The following BAMBI variants were observed in gnomAD, a reference collection of about 807,000 sequenced individuals.
BAMBI encodes BMP and activin membrane-bound inhibitor homolog.
Under a neutral mutation model 24.1 loss-of-function variants are expected in BAMBI, and 21 were observed. That is an observed-to-expected ratio of 0.87 (90% CI 0.62 to 1.26). The LOEUF (loss-of-function observed/expected upper bound fraction) is 1.26. Ranked by LOEUF, BAMBI falls within the 50% of genes most tolerant of loss-of-function variation. BAMBI has a pLI of 0.00. For missense variants in BAMBI, 388 were observed against 329.1 expected (o/e 1.18, Z -1.38); for synonymous variants, 156 against 123.1 (o/e 1.27, Z -1.77).
Position 28,677,575 on chromosome 10 carries a change from ACT to A in BAMBI, c.-318_-317del, listed in dbSNP as rs915839762. 7.7e-5 allele frequency: 14 copies of A among 182,014 alleles called. No homozygotes were observed. In the Middle Eastern group the frequency reaches 6.4e-3, roughly 83 times the overall value. 11.3% of individuals were successfully genotyped at this position (182,014 alleles called of 1,614,324 possible). A position where few individuals can be genotyped will look rare whatever the true frequency, so the allele number is the denominator to read the frequency against. On this transcript the variant is annotated 5_prime_UTR_variant, in exon 1 of 3. Coordinates refer to ENST00000375533, the MANE Select transcript of BAMBI (RefSeq NM_012342.3). The stretch of plus-strand genomic sequence containing the variant: ...TACCCTTGCGTGCTGTGGAGACCCT[ACT>A]CTCTTCGCTGAGAACGGCCGCTAGC...
Position 28,682,414 on chromosome 10 carries a change from T to G in BAMBI, c.*13T>G. 6.2e-7 allele frequency: 1 copy of G among 1,600,904 alleles called. No individual in the cohort carries two copies. The highest frequency in any genetic ancestry group is 8.5e-7 in the Non-Finnish European group (1 of 1,170,224). On this transcript the variant is annotated 3_prime_UTR_variant, in exon 3 of 3. Coordinates refer to ENST00000375533, the MANE Select transcript of BAMBI (RefSeq NM_012342.3). ...GGAATTCGTATGACGGAGTCTTATC[T>G]GAACTACACTTACTGAACAGCTTGA...
At chr10:28,679,147 G>A (rs536618767) in intron 1 of BAMBI, among the ~76,000 whole-genome samples, 1 of 152,318 alleles carries the variant, frequency 6.6e-6, no homozygotes, top group East Asian at 1.9e-4. Context: ...GGCTTGCAGA[G>A]GGGAGCCTCC....
intron 1 of BAMBI, among the ~76,000 whole-genome samples, chr10:28,680,507 TGAG>T (rs61519238): frequency 9.9e-5 from 15 of 151,950 alleles, no homozygotes; most frequent in Non-Finnish European, 1.5e-4. Context: ...GTAAAACTTG[TGAG>T]GAGGAGGAGG....
chr10:28,678,025 T>C (rs1834455853), intron 1 of BAMBI, 52 bp downstream of exon 1: 1 of 1,468,394 alleles, frequency 6.8e-7, no homozygotes, highest in Non-Finnish European at 9.1e-7. Flanking sequence ...CCGCGGGGCT[T>C]TGGAGCCGGC....
intron 1 of BAMBI, among the ~76,000 whole-genome samples, chr10:28,678,279 G>T (rs982717671): frequency 2.0e-5 from 3 of 152,230 alleles, no homozygotes; most frequent in Admixed American, 6.5e-5. Context: ...CACCCTGGGG[G>T]CTCGGGCGGC....
chr10:28,681,255 CA>C lies in BAMBI; in HGVS notation c.77-2del. The C allele has an allele frequency of 1.2e-6, 2 of 1,608,032 alleles. No individual in the cohort carries two copies. The highest frequency in any genetic ancestry group is 2.7e-5 in the African/African-American group (2 of 74,928). The stretch of plus-strand genomic sequence containing the variant: ...GTTTGAGGTGGTTTCTCATTGTTTT[CA>C]GGTGAAATTCGATGCTACTGTGATG... On this transcript the variant is annotated splice_acceptor_variant, in intron 1 of 2. Coordinates refer to ENST00000375533, the MANE Select transcript of BAMBI (RefSeq NM_012342.3). LOFTEE classifies it high-confidence loss of function.
At chr10:28,679,489 T>C (rs1834474118) in intron 1 of BAMBI, among the ~76,000 whole-genome samples, 1 of 151,916 alleles carries the variant, frequency 6.6e-6, no homozygotes, top group Admixed American at 6.6e-5. Context: ...TTTAATACAG[T>C]GGTACAAAAG....
chr10:28,678,473 C>G (rs185706663), intron 1 of BAMBI, among the ~76,000 whole-genome samples: 1 of 152,192 alleles, frequency 6.6e-6, no homozygotes, highest in Non-Finnish European at 1.5e-5. Context: ...CTCAGCGTAT[C>G]TCTGTGTCTC....
rs1564439816 is a variant in BAMBI, at chr10:28,682,422, ACTTACTGAAC to A, written c.*22_*31del. 6.3e-7 allele frequency: 1 copy of A among 1,589,370 alleles called. No individual in the cohort carries two copies. The highest frequency in any genetic ancestry group is 1.7e-5 in the Admixed American group (1 of 58,304). ...TATGACGGAGTCTTATCTGAACTAC[ACTTACTGAAC>A]AGCTTGAAGGCCTTTTGAGTTCTGC... is the stretch of plus-strand genomic sequence containing the variant. On this transcript the variant is annotated 3_prime_UTR_variant, in exon 3 of 3. Transcript: ENST00000375533.
At position 28,682,201 on chromosome 10, in the gene BAMBI, C is replaced by A. The variant is rs1834506524; in HGVS notation, c.583C>A (p.His195Asn). 1 of 1,614,156 alleles carries A rather than the reference C, an allele frequency of 6.2e-7. No homozygotes were observed. The highest frequency in any genetic ancestry group is 2.2e-5 in the East Asian group (1 of 44,868). The change falls in exon 3 of 3, where the codon CAC becomes AAC. Residue 195 changes from histidine to asparagine, a missense_variant. His to Asn is a moderately conservative substitution (Grantham distance 68). Coordinates refer to ENST00000375533, the MANE Select transcript of BAMBI (RefSeq NM_012342.3). Reference sequence around the variant, plus strand: ...GCGGCAACAGATGCTCTCCCGTTTGCACTACAGCTTTCACGGACACCATTC... The same window carrying A: ...GCGGCAACAGATGCTCTCCCGTTTGAACTACAGCTTTCACGGACACCATTC... ...DQRQQMLSRL[H>N]YSFHGHHSKK...
In BAMBI at chr10:28,677,838, G is replaced by A; in HGVS notation, c.-60G>A. ...GCCCTGCGCGCTCCGGGGGTCGTAG[G>A]CTGCCGCCGAGCCGGGGCTCCGGAA... On this transcript the variant is annotated 5_prime_UTR_variant, in exon 1 of 3. Transcript: ENST00000375533. The A allele has an allele frequency of 7.1e-7, 1 of 1,408,666 alleles. No individual in the cohort carries two copies. Among genetic ancestry groups the A allele is most frequent in the Non-Finnish European group, 9.4e-7 (1 of 1,066,636 alleles). The allele number at this position is 1,408,666 out of a possible 1,614,324, so 87.3% of individuals were successfully genotyped here. A position where few individuals can be genotyped will look rare whatever the true frequency, so the allele number is the denominator to read the frequency against.
Position 28,677,826 on chromosome 10 carries a change from C to CGG in BAMBI, c.-68_-67dup. On this transcript the variant is annotated 5_prime_UTR_variant, in exon 1 of 3. The change abolishes the stop of an existing upstream ORF in the 5' untranslated region. Transcript: ENST00000375533. ...GGCAGGGCCCATGCCCTGCGCGCTC[C>CGG]GGGGGTCGTAGGCTGCCGCCGAGCC... The CGG allele has an allele frequency of 7.7e-7, 1 of 1,305,992 alleles. No individual in the cohort carries two copies. The allele number at this position is 1,305,992 out of a possible 1,614,324, so 80.9% of individuals were successfully genotyped here. A position where few individuals can be genotyped will look rare whatever the true frequency, so the allele number is the denominator to read the frequency against.
intron 1 of BAMBI, among the ~76,000 whole-genome samples, chr10:28,678,624 T>G (rs1272271651): frequency 6.6e-6 from 1 of 151,472 alleles, no homozygotes; most frequent in Non-Finnish European, 1.5e-5. Context: ...TTTGTATCTC[T>G]GAATGTGCAT....
Position 28,677,586 on chromosome 10 carries a change from T to G in BAMBI, c.-312T>G. 5.1e-6 allele frequency: 1 copy of G among 195,970 alleles called. No homozygotes were observed. The highest frequency in any genetic ancestry group is 1.0e-5 in the Non-Finnish European group (1 of 97,364). 12.1% of individuals were successfully genotyped at this position (195,970 alleles called of 1,614,324 possible). ...GCTGTGGAGACCCTACTCTCTTCGCTGAGAACGGCCGCTAGCGGGGACTGA... is the reference window on the plus strand; with the variant it reads ...GCTGTGGAGACCCTACTCTCTTCGCGGAGAACGGCCGCTAGCGGGGACTGA... On this transcript the variant is annotated 5_prime_UTR_variant, in exon 1 of 3. Transcript: ENST00000375533.
In BAMBI at chr10:28,677,530, C is replaced by T. The variant is rs544719740; in HGVS notation, c.-368C>T. ...GGAGCCGGAGAGACCTGGGCTGGCG[C>T]GGGCGGGAGCTGCGGCGGATACCCT... is the stretch of plus-strand genomic sequence containing the variant. On this transcript the variant is annotated 5_prime_UTR_variant, in exon 1 of 3. Coordinates refer to ENST00000375533, the MANE Select transcript of BAMBI (RefSeq NM_012342.3). 6.7e-4 allele frequency: 108 copies of T among 160,192 alleles called. No homozygotes were observed. Among genetic ancestry groups the T allele is most frequent in the African/African-American group, 2.3e-3 (95 of 41,788 alleles). 9.9% of individuals were successfully genotyped at this position (160,192 alleles called of 1,614,324 possible). A position where few individuals can be genotyped will look rare whatever the true frequency, so the allele number is the denominator to read the frequency against.
At chr10:28,677,998 C>A in intron 1 of BAMBI, 25 bp downstream of exon 1, 1 of 1,506,084 alleles carries the variant, frequency 6.6e-7, no homozygotes, top group Non-Finnish European at 8.8e-7. Flanking sequence ...CGCACGGGGC[C>A]CGGGGTCCCG....
At position 28,682,717 on chromosome 10, in the gene BAMBI, A is replaced by G. The variant is rs1834513394; in HGVS notation, c.*316A>G. The G allele has an allele frequency of 4.3e-6, 1 of 234,772 alleles. No homozygotes were observed. Among genetic ancestry groups the G allele is most frequent in the Non-Finnish European group, 8.3e-6 (1 of 121,130 alleles). 14.5% of individuals were successfully genotyped at this position (234,772 alleles called of 1,614,324 possible). ...AAAAATGTGCCCTATGTAAGCTTCT[A>G]CATCTTGATTTATTGTAAAGATTTA... is the stretch of plus-strand genomic sequence containing the variant. On this transcript the variant is annotated 3_prime_UTR_variant, in exon 3 of 3. Transcript: ENST00000375533.
chr10:28,681,169 C>A (rs1834492897), intron 1 of BAMBI, 89 bp from the exon 2 acceptor site: 1 of 1,383,516 alleles, frequency 7.2e-7, no homozygotes, highest in Non-Finnish European at 9.8e-7. Flanking sequence ...AAAGTTCATG[C>A]CTTTGAATTT....
rs786873 is a variant in BAMBI, at chr10:28,677,702, G to A, written c.-196G>A. The A allele has an allele frequency of 3.5e-6, 1 of 289,552 alleles. No homozygotes were observed. Among genetic ancestry groups the A allele is most frequent in the Admixed American group, 5.2e-5 (1 of 19,112 alleles). The allele number at this position is 289,552 out of a possible 1,614,324, so 17.9% of individuals were successfully genotyped here. The stretch of plus-strand genomic sequence containing the variant: ...CCAGTGGCCGCCGACGGGGGACCGG[G>A]AAACTTTTCTGGGCTCCTGGGCGCG... On this transcript the variant is annotated 5_prime_UTR_variant, in exon 1 of 3. Coordinates refer to ENST00000375533, the MANE Select transcript of BAMBI (RefSeq NM_012342.3).
Sources: gnomAD v4.1 joint callset for allele counts (sites outside exome capture counted in the v4.1 genomes callset) on GRCh38, gnomAD v4.1.1 for gene constraint, MANE v1.5 for transcripts, NCBI Gene and HGNC (gene_info 2026-07-23, HGNC 2026-07-21) for gene names.